STK39: variants seen among roughly 807,000 people sequenced by gnomAD.
The protein encoded by STK39 is serine/threonine kinase 39, also known as STE20/SPS1-related proline-alanine-rich protein kinase.
A neutral mutation model predicts 77.8 loss-of-function variants in STK39; 20 were observed. The ratio of observed to expected loss-of-function variants is 0.26; its 90% CI spans 0.18 to 0.37. The LOEUF (loss-of-function observed/expected upper bound fraction) is 0.37. Ranked by LOEUF, STK39 falls within the 10% of genes least tolerant of loss-of-function variation. The probability of loss-of-function intolerance (pLI) is 1.00; values close to 1 mark genes in which losing one functional copy is unlikely to be tolerated. For synonymous variants in STK39, 246 were observed against 234.1 expected (o/e 1.05, Z -0.47); for missense variants, 479 against 656.5 (o/e 0.73, Z 2.95).
At chr2:168,240,549 A>C (rs995991420) in intron 1 of STK39, among the ~76,000 whole-genome samples, 5 of 152,246 alleles carry the variant, frequency 3.3e-5, no homozygotes, top group African/African-American at 1.2e-4. Context: ...TGGTGACCAA[A>C]CAGATGTGAG....
chr2:167,975,633 G>A (rs1023910258), intron 16 of STK39, among the ~76,000 whole-genome samples: 13 of 152,098 alleles, frequency 8.5e-5, no homozygotes, highest in African/African-American at 3.1e-4. Flanking sequence ...GGCTAACACG[G>A]TGAAACCCCG....
At chr2:168,015,148 A>T (rs1230136814) in intron 15 of STK39, among the ~76,000 whole-genome samples, 1 of 152,220 alleles carries the variant, frequency 6.6e-6, no homozygotes, top group African/African-American at 2.4e-5. Context: ...TTTTTCTTTA[A>T]GCTGTTTAAC....
At chr2:168,091,048 G>A (rs1008874671) in intron 10 of STK39, among the ~76,000 whole-genome samples, 1 of 151,854 alleles carries the variant, frequency 6.6e-6, no homozygotes, top group Non-Finnish European at 1.5e-5. Context: ...GACCCATGTT[G>A]GTTCACTAAA....
chr2:168,218,813 G>C (rs1690089850), intron 1 of STK39, among the ~76,000 whole-genome samples: 3 of 152,176 alleles, frequency 2.0e-5, no homozygotes, highest in South Asian at 2.1e-4. Context: ...GCTATTAGGA[G>C]AATCAAAAGA....
chr2:168,184,971 T>C (rs1364206332), intron 1 of STK39, among the ~76,000 whole-genome samples: 2 of 152,178 alleles, frequency 1.3e-5, no homozygotes, highest in African/African-American at 4.8e-5. Flanking sequence ...CAACACTGTC[T>C]TGCTTTAAGG....
chr2:168,242,733 GA>G (rs903834948), intron 1 of STK39, among the ~76,000 whole-genome samples: 40 of 145,188 alleles, frequency 2.8e-4, no homozygotes, highest in Admixed American at 1.2e-3. Flanking sequence ...AATAAAAAAA[GA>G]AAAAAAAAAT....
chr2:168,203,097 C>A (rs989203869), intron 1 of STK39, among the ~76,000 whole-genome samples: 2 of 152,084 alleles, frequency 1.3e-5, no homozygotes, highest in Non-Finnish European at 2.9e-5. Context: ...TTTAGAGCAT[C>A]CCCGGCCGTA....
intron 1 of STK39, among the ~76,000 whole-genome samples, chr2:168,193,285 G>A (rs1327825151): frequency 6.6e-6 from 1 of 152,112 alleles, no homozygotes; most frequent in African/African-American, 2.4e-5. Context: ...CCTCTGCATG[G>A]TAGAAGTCTT....
chr2:168,186,842 AT>A (rs1003355216), intron 1 of STK39, among the ~76,000 whole-genome samples: 1 of 152,156 alleles, frequency 6.6e-6, no homozygotes, highest in Non-Finnish European at 1.5e-5. Context: ...ACTGAGTTTC[AT>A]TTTGCTTAGC....
chr2:168,040,153 G>C (rs1052891997), intron 14 of STK39, among the ~76,000 whole-genome samples: 1 of 151,996 alleles, frequency 6.6e-6, no homozygotes, highest in Non-Finnish European at 1.5e-5. Flanking sequence ...TGTGGTTTTT[G>C]CCTTGTTCAT....
intron 10 of STK39, among the ~76,000 whole-genome samples, chr2:168,087,359 C>A (rs905391118): frequency 6.6e-6 from 1 of 152,190 alleles, no homozygotes; most frequent in African/African-American, 2.4e-5. Flanking sequence ...GTTGACTGTG[C>A]TAGTGCCCAC....
chr2:168,114,627 T>C (rs1687211219), intron 10 of STK39, among the ~76,000 whole-genome samples: 1 of 152,026 alleles, frequency 6.6e-6, no homozygotes, highest in South Asian at 2.1e-4. Context: ...AACAATGCAA[T>C]GGTTCAGGAA....
At chr2:168,015,719 GTTCT>G (rs1684386907) in intron 15 of STK39, among the ~76,000 whole-genome samples, 2 of 152,130 alleles carry the variant, frequency 1.3e-5, no homozygotes, top group South Asian at 4.1e-4. Flanking sequence ...ATAAGAATCT[GTTCT>G]TTCTACTTGC....
chr2:168,200,454 C>A (rs1185328932), intron 1 of STK39, among the ~76,000 whole-genome samples: 1 of 152,022 alleles, frequency 6.6e-6, no homozygotes, highest in African/African-American at 2.4e-5. Flanking sequence ...TGCTTGAAAC[C>A]AGGAGTTCAA....
intron 10 of STK39, among the ~76,000 whole-genome samples, chr2:168,118,211 G>A (rs1324743638): frequency 6.6e-6 from 1 of 152,072 alleles, no homozygotes; most frequent in Non-Finnish European, 1.5e-5. Context: ...TTCAGTTCCA[G>A]AAAAGCTAGC....
At chr2:168,157,595 T>C (rs1688467981) in intron 5 of STK39, among the ~76,000 whole-genome samples, 1 of 152,146 alleles carries the variant, frequency 6.6e-6, no homozygotes, top group African/African-American at 2.4e-5. Context: ...CTTCTGTTCG[T>C]GTCCTCACAT....
At position 168,022,088 on chromosome 2, in the gene STK39, G is replaced by A. The variant is rs187502211; in HGVS notation, c.1377-4993C>T. On this transcript the variant is annotated intron_variant, in intron 14 of 17. Coordinates refer to ENST00000355999, the MANE Select transcript of STK39 (RefSeq NM_013233.3). ...GAATTTCTCCATGTTAGTTTGTAGA[G>A]AGTTTTCTCATTCTTTTCTTTATAA... Among the ~76,000 whole-genome samples the A allele has an allele frequency of 5.7e-3, 863 of 152,218 alleles. 7 individuals are homozygous for A. The highest frequency in any genetic ancestry group is 9.8e-3 in the Non-Finnish European group (668 of 68,004).
At chr2:168,106,940 C>T (rs1185592101) in intron 10 of STK39, among the ~76,000 whole-genome samples, 1 of 152,112 alleles carries the variant, frequency 6.6e-6, no homozygotes, top group Admixed American at 6.5e-5. Context: ...TAATATAAAA[C>T]TCATTCAAGC....
intron 16 of STK39, among the ~76,000 whole-genome samples, chr2:167,998,618 T>C (rs900765048): frequency 8.1e-6 from 1 of 122,702 alleles, no homozygotes; most frequent in East Asian, 2.1e-4. Flanking sequence ...CCTAAGTTGG[T>C]GTTTTTTGTT....
Sources: gnomAD v4.1 joint callset for allele counts (sites outside exome capture counted in the v4.1 genomes callset) on GRCh38, gnomAD v4.1.1 for gene constraint, MANE v1.5 for transcripts, NCBI Gene and HGNC (gene_info 2026-07-23, HGNC 2026-07-21) for gene names.